DISC1: variants seen among roughly 807,000 people sequenced by gnomAD.
DISC1 encodes disrupted in schizophrenia 1 protein.
A neutral mutation model predicts 84.5 loss-of-function variants in DISC1; 57 were observed. The ratio of observed to expected loss-of-function variants is 0.67; its 90% CI spans 0.55 to 0.84. DISC1 has a LOEUF of 0.84. Ranked by LOEUF, DISC1 falls within the 40% of genes least tolerant of loss-of-function variation. DISC1 has a pLI of 0.00. For synonymous variants in DISC1, 411 were observed against 415.2 expected (o/e 0.99, Z 0.12); for missense variants, 1,000 against 1,057.8 (o/e 0.95, Z 0.76).
At chr1:231,883,082 C>A (rs1369007765) in intron 9 of DISC1, among the ~76,000 whole-genome samples, 3 of 151,932 alleles carry the variant, frequency 2.0e-5, no homozygotes, top group Non-Finnish European at 4.4e-5. Flanking sequence ...AGACAGGCGC[C>A]CACTGCTGAT....
intron 9 of DISC1, among the ~76,000 whole-genome samples, chr1:231,889,247 G>C (rs1196991643): frequency 6.6e-6 from 1 of 152,164 alleles, no homozygotes; most frequent in Non-Finnish European, 1.5e-5. Flanking sequence ...CAGATGGAAT[G>C]ACATGAGCAT....
intron 9 of DISC1, among the ~76,000 whole-genome samples, chr1:231,867,245 A>C (rs993448649): frequency 1.3e-5 from 2 of 152,200 alleles, no homozygotes; most frequent in Admixed American, 1.3e-4. Flanking sequence ...ACTTATTCAC[A>C]TGTCTGGTTA....
chr1:232,007,947 A>C (rs866131965), intron 10 of DISC1, among the ~76,000 whole-genome samples: 1 of 152,122 alleles, frequency 6.6e-6, no homozygotes, highest in Non-Finnish European at 1.5e-5. Flanking sequence ...TGGTGGCTTT[A>C]TAAAGGGCTC....
At chr1:231,785,240 TGTGTGTGTG>T (rs2077741784) in intron 6 of DISC1, among the ~76,000 whole-genome samples, 4 of 145,318 alleles carry the variant, frequency 2.8e-5, no homozygotes, top group South Asian at 2.3e-4. Flanking sequence ...TGTGTGTGTG[TGTGTGTGTG>T]TGTGTTATTT....
chr1:231,995,172 G>T (rs557016925), intron 10 of DISC1, among the ~76,000 whole-genome samples: 1 of 151,812 alleles, frequency 6.6e-6, no homozygotes, highest in Non-Finnish European at 1.5e-5. Context: ...TTCTGAATTG[G>T]AGGTTAAGTT....
rs541445414 is a variant in DISC1, at chr1:231,910,330, C to G, written c.1982-48498C>G. 1.4e-4 allele frequency among the ~76,000 whole-genome samples: 21 copies of G among 152,338 alleles called. No homozygotes were observed. In the South Asian group the frequency reaches 2.9e-3, roughly 21 times the overall value. On this transcript the variant is annotated intron_variant, in intron 9 of 12. Coordinates refer to ENST00000439617, the MANE Select transcript of DISC1 (RefSeq NM_018662.3). ...GGCATGTAGTGCTATAAATTTCCCT[C>G]TACACACTGCTTTAAATGTGTCCCA...
At chr1:231,865,098 G>A (rs574190019) in intron 9 of DISC1, among the ~76,000 whole-genome samples, 325 of 152,180 alleles carry the variant, frequency 2.1e-3, no homozygotes, top group Non-Finnish European at 3.9e-3. Flanking sequence ...GCAAGCAAAG[G>A]CCCAGAGAAC....
intron 9 of DISC1, among the ~76,000 whole-genome samples, chr1:231,828,330 A>G (rs2082003010): frequency 6.6e-6 from 1 of 152,212 alleles, no homozygotes; most frequent in Non-Finnish European, 1.5e-5. Context: ...TGGGTGAGAC[A>G]TATACATTGG....
intron 1 of DISC1, among the ~76,000 whole-genome samples, chr1:231,683,595 C>T (rs1303391897): frequency 6.6e-6 from 1 of 151,078 alleles, no homozygotes; most frequent in Non-Finnish European, 1.5e-5. Context: ...CTTCTGTGAA[C>T]ACCCCCTCTG....
intron 9 of DISC1, among the ~76,000 whole-genome samples, chr1:231,914,153 G>A (rs924794382): frequency 2.0e-5 from 3 of 152,102 alleles, no homozygotes; most frequent in African/African-American, 4.8e-5. Context: ...TTTACAATAC[G>A]GCTGCCCCAC....
At chr1:231,910,845 G>A (rs2089138144) in intron 9 of DISC1, among the ~76,000 whole-genome samples, 1 of 152,180 alleles carries the variant, frequency 6.6e-6, no homozygotes, top group Non-Finnish European at 1.5e-5. Context: ...CTTGCTTTAT[G>A]AATCTGGGTG....
intron 3 of DISC1, among the ~76,000 whole-genome samples, chr1:231,713,032 A>G (rs1433225566): frequency 6.6e-6 from 1 of 152,208 alleles, no homozygotes; most frequent in Non-Finnish European, 1.5e-5. Flanking sequence ...CTGATCCTTG[A>G]GTTAAGTGTA....
intron 12 of DISC1, among the ~76,000 whole-genome samples, chr1:232,028,700 A>G (rs573103913): frequency 5.3e-5 from 8 of 152,298 alleles, no homozygotes; most frequent in African/African-American, 1.9e-4. Flanking sequence ...TTAGGTAGAA[A>G]AGTGTTATCC....
intron 10 of DISC1, among the ~76,000 whole-genome samples, chr1:231,965,308 A>G (rs1014532954): frequency 2.6e-5 from 4 of 152,162 alleles, no homozygotes; most frequent in African/African-American, 9.7e-5. Context: ...TACAAAGGAG[A>G]GATTCCATTT....
chr1:231,903,995 G>T lies in DISC1; in HGVS notation c.1982-54833G>T, dbSNP rs563770974. Among the ~76,000 whole-genome samples the T allele has an allele frequency of 9.2e-5, 14 of 152,322 alleles. No individual in the cohort carries two copies. In the South Asian group the frequency reaches 2.9e-3, roughly 32 times the overall value. ...GTTACTGCTTTGGAGCAGGAAAGGG[G>T]TGGTGTGGTTCAGGCAGCATGGGAG... is the stretch of plus-strand genomic sequence containing the variant. On this transcript the variant is annotated intron_variant, in intron 9 of 12. Coordinates refer to ENST00000439617, the MANE Select transcript of DISC1 (RefSeq NM_018662.3).
At chr1:231,644,484 T>C (rs925796811) in intron 1 of DISC1, among the ~76,000 whole-genome samples, 3 of 152,208 alleles carry the variant, frequency 2.0e-5, no homozygotes, top group Non-Finnish European at 4.4e-5. Flanking sequence ...AACTTCCTGA[T>C]TCTGGGTTTT....
intron 6 of DISC1, among the ~76,000 whole-genome samples, chr1:231,776,697 C>T (rs987585348): frequency 6.6e-6 from 1 of 152,164 alleles, no homozygotes; most frequent in Non-Finnish European, 1.5e-5. Context: ...TGTCAGTCCT[C>T]CTTGCAAGTG....
intron 3 of DISC1, chr1:231,720,804 G>A (rs2069563744): frequency 7.9e-7 from 1 of 1,268,828 alleles, no homozygotes; most frequent in Non-Finnish European, 1.0e-6. Flanking sequence ...GGCAGAAGTG[G>A]TTCTGAGCAG....
chr1:231,957,066 G>A (rs190660812), intron 9 of DISC1, among the ~76,000 whole-genome samples: 1 of 152,338 alleles, frequency 6.6e-6, no homozygotes, highest in Non-Finnish European at 1.5e-5. Flanking sequence ...CAAGGTTCTG[G>A]AAGAGTATGT....
Sources: gnomAD v4.1 joint callset for allele counts (sites outside exome capture counted in the v4.1 genomes callset) on GRCh38, gnomAD v4.1.1 for gene constraint, MANE v1.5 for transcripts, NCBI Gene and HGNC (gene_info 2026-07-23, HGNC 2026-07-21) for gene names.